Variants in PIEZO2 observed in about 807,000 individuals in gnomAD.
The protein encoded by PIEZO2 is piezo type mechanosensitive ion channel component 2, also known as piezo-type mechanosensitive ion channel component 2.
In PIEZO2, 172 loss-of-function variants were observed where a neutral mutation model predicts 337.3. The ratio of observed to expected loss-of-function variants is 0.51; its 90% CI spans 0.45 to 0.58. The LOEUF is 0.58. PIEZO2 is among the 20% of genes least tolerant of loss of function. The pLI is 0.00. For synonymous variants in PIEZO2, 1,251 were observed against 1,228.5 expected, an observed-to-expected ratio of 1.02 and a Z score of -0.38; for missense variants, 3,028 against 3,391.3, an observed-to-expected ratio of 0.89 and a Z score of 2.66.
At chr18:10,804,879 G>A (rs998298865) in intron 8 of PIEZO2, among the ~76,000 whole-genome samples, 2 of 152,096 alleles carry the variant, frequency 1.3e-5, no homozygotes, top group Non-Finnish European at 2.9e-5. Flanking sequence ...CAGGCCTTCC[G>A]TCCCAGCCCA....
intron 1 of PIEZO2, among the ~76,000 whole-genome samples, chr18:11,107,216 C>T (rs550370278): frequency 2.8e-4 from 43 of 152,180 alleles, no homozygotes; most frequent in African/African-American, 8.7e-4. Flanking sequence ...ATTAAATGTA[C>T]GTAAAGGACT....
chr18:10,770,240 A>G lies in PIEZO2; in HGVS notation c.2854T>C (p.Phe952Leu). 2 of 1,537,644 alleles carry G rather than the reference A, an allele frequency of 1.3e-6. No individual in the cohort carries two copies. The highest frequency in any genetic ancestry group is 1.7e-6 in the Non-Finnish European group (2 of 1,146,984). ...CACATGAACACCTGCAGCTTGTGAA[A>G]ATACTCCAGGAATTTTAAGAAGAGC... ...TVLFLKFLEY[F>L]HKLQVFMWWI... Residue 952 changes from phenylalanine to leucine, a missense_variant, in exon 21 of 56, where the codon TTT (phenylalanine) becomes CTT (leucine). By Grantham distance (22) the Phe-to-Leu change is conservative (BLOSUM62 0). This residue lies in a region of PIEZO2 where 1,925 missense variants were observed against 2,051.9 expected (regional missense o/e 0.94). Transcript: ENST00000674853.
Position 11,077,608 on chromosome 18 carries a change from G to A in PIEZO2, c.65-11386C>T, listed in dbSNP as rs547465316. Among the ~76,000 whole-genome samples, 4 of 152,184 alleles carry A rather than the reference G, an allele frequency of 2.6e-5. No individual in the cohort carries two copies. Among genetic ancestry groups the A allele is most frequent in the South Asian group, 2.1e-4 (1 of 4,826 alleles). ...GAGGATTGCTTGAGCCCAGGAGTTCGAGGCTGCAGTGAGCTGTGATCGCAC... is the reference window on the plus strand; with the variant it reads ...GAGGATTGCTTGAGCCCAGGAGTTCAAGGCTGCAGTGAGCTGTGATCGCAC... On this transcript the variant is annotated intron_variant, in intron 1 of 55. Transcript: ENST00000674853. This position sits in a 1 kb window ranked among gnomAD's most constrained non-coding sequence, Gnocchi z 4.8.
rs539638581 is a variant in PIEZO2 at position 10,862,398 on chromosome 18, C to A, written c.493-5187G>T. ...CTCTGTTAGGGCCCTGAATGAGGGC[C>A]TAAACACAAAGCTCTCATCCCACAA... On this transcript the variant is annotated intron_variant, in intron 5 of 55. Coordinates refer to ENST00000674853, the MANE Select transcript of PIEZO2 (RefSeq NM_001378183.1). This position sits in a 1 kb window ranked among gnomAD's most constrained non-coding sequence, Gnocchi z 4.4. 6.6e-6 allele frequency among the ~76,000 whole-genome samples: 1 copy of A among 152,242 alleles called. No homozygotes were observed. Among genetic ancestry groups the A allele is most frequent in the South Asian group, 2.1e-4 (1 of 4,818 alleles).
chr18:10,747,403 G>A (rs1167824968), intron 30 of PIEZO2, among the ~76,000 whole-genome samples: 2 of 152,114 alleles, frequency 1.3e-5, no homozygotes, highest in Non-Finnish European at 2.9e-5. Context: ...TTTTGGGAAA[G>A]GCAAACAAGA....
intron 1 of PIEZO2, among the ~76,000 whole-genome samples, chr18:11,073,889 C>A (rs1302633791): frequency 2.0e-5 from 3 of 151,246 alleles, no homozygotes; most frequent in African/African-American, 7.3e-5. Flanking sequence ...CTCTGTCGCC[C>A]AGGCTGGAGT....
chr18:10,782,218 TATC>T (rs1323864423), intron 17 of PIEZO2, among the ~76,000 whole-genome samples: 1 of 132,880 alleles, frequency 7.5e-6, no homozygotes, highest in Admixed American at 8.9e-5. Flanking sequence ...TAATTATATA[TATC>T]ATAATATATA....
chr18:10,877,112 C>T lies in PIEZO2; in HGVS notation c.330-5697G>A, dbSNP rs898398556. 6.6e-6 allele frequency among the ~76,000 whole-genome samples: 1 copy of T among 152,216 alleles called. No individual in the cohort carries two copies. Among genetic ancestry groups the T allele is most frequent in the African/African-American group, 2.4e-5 (1 of 41,458 alleles). On this transcript the variant is annotated intron_variant, in intron 4 of 55. Transcript: ENST00000674853. This position sits in a 1 kb window ranked among gnomAD's most constrained non-coding sequence, Gnocchi z 5.3. ...TGTATTGTAGCCACCAGACTCTTCT[C>T]TACGTCCTACTTAATTGTTGATGAG... is the stretch of plus-strand genomic sequence containing the variant.
At chr18:10,800,309 C>T (rs528538193) in intron 11 of PIEZO2, 28 bp downstream of exon 11, 24 of 1,508,446 alleles carry the variant, frequency 1.6e-5, no homozygotes, top group African/African-American at 2.8e-5. Flanking sequence ...GGAAGAAATG[C>T]GACCCTGAGT....
In PIEZO2 at chr18:10,746,968, T is replaced by C. The variant is rs2037449091; in HGVS notation, c.4424+1503A>G. Among the ~76,000 whole-genome samples the C allele has an allele frequency of 6.6e-6, 1 of 152,204 alleles. No individual in the cohort carries two copies. Among genetic ancestry groups the C allele is most frequent in the Non-Finnish European group, 1.5e-5 (1 of 68,046 alleles). ...ATTGCTTGCTCATGTGCCACTTTCC[T>C]GCTACTCTGTGAGCTCTGTGAGGGC... On this transcript the variant is annotated intron_variant, in intron 30 of 55. Transcript: ENST00000674853. This position sits in a 1 kb window ranked among gnomAD's most constrained non-coding sequence, Gnocchi z 4.2.
At chr18:11,063,564 A>G (rs2038046800) in intron 2 of PIEZO2, among the ~76,000 whole-genome samples, 2 of 152,090 alleles carry the variant, frequency 1.3e-5, no homozygotes, top group Admixed American at 1.3e-4. Context: ...CAAGAAAAAT[A>G]CCTCATCAGA....
chr18:10,898,148 A>C (rs1226701598), intron 4 of PIEZO2, among the ~76,000 whole-genome samples: 1 of 152,378 alleles, frequency 6.6e-6, no homozygotes, highest in African/African-American at 2.4e-5. Context: ...TCTAAGAGGT[A>C]AAAGTTTTAC....
chr18:10,969,739 G>C lies in PIEZO2; in HGVS notation c.286+9796C>G, dbSNP rs1003363478. Reference sequence around the variant, plus strand: ...GCAGGATTTGGGGTATGCACCTGTAGGAGAGGAGTGAGGGGACAGAGCTCC... The same window carrying C: ...GCAGGATTTGGGGTATGCACCTGTACGAGAGGAGTGAGGGGACAGAGCTCC... On this transcript the variant is annotated intron_variant, in intron 3 of 55. Coordinates refer to ENST00000674853, the MANE Select transcript of PIEZO2 (RefSeq NM_001378183.1). The surrounding 1 kb of genome is among the most constrained non-coding windows in gnomAD (Gnocchi z 4.5). 2.0e-5 allele frequency among the ~76,000 whole-genome samples: 3 copies of C among 151,968 alleles called. No individual in the cohort carries two copies. The highest frequency in any genetic ancestry group is 7.3e-5 in the African/African-American group (3 of 41,324).
Position 10,855,457 on chromosome 18 carries a change from G to A in PIEZO2, c.813C>T (p.Leu271=), listed in dbSNP as rs2041677527. ...RTFDPLLFSC[L]CVLLAIFTAG... is the part of the protein sequence containing the mutation. Reference sequence around the variant, plus strand: ...CAGTGAAAATAGCCAGCAGAACACAGAGACAGCTGAACAGCAATGGGTCGA... The same window carrying A: ...CAGTGAAAATAGCCAGCAGAACACAAAGACAGCTGAACAGCAATGGGTCGA... The change falls in exon 7 of 56, where the codon CTC becomes CTT. Residue 271 remains leucine, a synonymous_variant. Transcript: ENST00000674853. This position sits in a 1 kb window ranked among gnomAD's most constrained non-coding sequence, Gnocchi z 4.9. The A allele has an allele frequency of 6.5e-7, 1 of 1,537,022 alleles. No individual in the cohort carries two copies. The highest frequency in any genetic ancestry group is 8.7e-7 in the Non-Finnish European group (1 of 1,146,882).
chr18:10,830,158 T>G lies in PIEZO2; in HGVS notation c.918-22884A>C, dbSNP rs1453885451. Reference sequence around the variant, plus strand: ...ATTCATACATCTACAGTGAACTTGCTTTTGACAAAGGTGCTAAGAACATAC... The same window carrying G: ...ATTCATACATCTACAGTGAACTTGCGTTTGACAAAGGTGCTAAGAACATAC... On this transcript the variant is annotated intron_variant, in intron 7 of 55. Transcript: ENST00000674853. This position sits in a 1 kb window ranked among gnomAD's most constrained non-coding sequence, Gnocchi z 4.7. 6.6e-6 allele frequency among the ~76,000 whole-genome samples: 1 copy of G among 152,164 alleles called. No homozygotes were observed. The highest frequency in any genetic ancestry group is 1.5e-5 in the Non-Finnish European group (1 of 68,022).
At chr18:11,087,901 G>A (rs1488295768) in intron 1 of PIEZO2, among the ~76,000 whole-genome samples, 1 of 152,238 alleles carries the variant, frequency 6.6e-6, no homozygotes, top group Non-Finnish European at 1.5e-5. Context: ...ACAACAGCCT[G>A]CTTGCAGTCC....
intron 49 of PIEZO2, among the ~76,000 whole-genome samples, chr18:10,688,079 G>C (rs2034630925): frequency 6.6e-6 from 1 of 152,126 alleles, no homozygotes; most frequent in Non-Finnish European, 1.5e-5. Flanking sequence ...GTGGTGGTTT[G>C]CTGCACCTAT....
chr18:11,045,013 G>A (rs2037251409), intron 2 of PIEZO2, among the ~76,000 whole-genome samples: 2 of 151,510 alleles, frequency 1.3e-5, no homozygotes, highest in South Asian at 4.2e-4. Context: ...AAACTTACTG[G>A]GGCCAGGCAC....
In PIEZO2 at chr18:10,696,222, C is replaced by A. The variant is rs777624157; in HGVS notation, c.7042G>T (p.Val2348Leu). ...SEDQVPGPFL[V>L]MVLIQFGTMV... ...GTTCCAAACTGAATGAGGACCATCA[C>A]CAAAAACGGCCCCGGGACCTGGTCC... The change falls in exon 47 of 56, where the codon GTG (valine) becomes TTG (leucine). Residue 2348 changes from valine to leucine, a missense_variant. Around this residue, in one of 5 missense-constraint regions of PIEZO2, gnomAD observed 179 missense variants for 281.8 expected, o/e 0.64. Coordinates refer to ENST00000674853, the MANE Select transcript of PIEZO2 (RefSeq NM_001378183.1). 3 of 1,614,196 alleles carry A rather than the reference C, an allele frequency of 1.9e-6. No individual in the cohort carries two copies. In the Admixed American group the frequency reaches 5.0e-5, roughly 27 times the overall value.
Sources: allele counts gnomAD v4.1 joint callset (sites outside exome capture counted in the v4.1 genomes callset), GRCh38; gene constraint gnomAD v4.1.1; regional missense constraint gnomAD v4.1.1; non-coding constraint Gnocchi (gnomAD v3.1); transcripts MANE v1.5; gene names NCBI Gene and HGNC (gene_info 2026-07-23, HGNC 2026-07-21).